Variants in RPS20 observed in about 807,000 individuals in gnomAD.
The protein encoded by RPS20 is ribosomal protein S20.
RPS20 carries 3 observed loss-of-function variants against 15.3 expected under a neutral mutation model. That is an observed-to-expected ratio of 0.20 (90% CI 0.09 to 0.51). The LOEUF (loss-of-function observed/expected upper bound fraction) is 0.51. Among genes scored for constraint, RPS20 ranks in the 20% least tolerant of loss-of-function variants. RPS20 has a pLI of 0.96. For synonymous variants in RPS20, 62 were observed against 47.8 expected (o/e 1.30, Z -1.23); for missense variants, 67 against 145.9 (o/e 0.46, Z 2.79).
intron 3 of RPS20, 138 bp downstream of exon 3, chr8:56,073,557 C>G: frequency 2.7e-6 from 2 of 747,732 alleles, no homozygotes; most frequent in Admixed American, 4.2e-5. Flanking sequence ...CTAGGAACCG[C>G]AATCTACCAC....
chr8:56,074,275 C>T (rs1421181188), intron 1 of RPS20, 106 bp downstream of exon 1: 14 of 1,523,778 alleles, frequency 9.2e-6, no homozygotes, highest in East Asian at 2.3e-5. Context: ...CGCCTTTCCG[C>T]CCCTACACGC....
downstream of RPS20, among the ~76,000 whole-genome samples, chr8:56,069,247 T>G (rs1464137327): frequency 6.7e-6 from 1 of 148,874 alleles, no homozygotes; most frequent in Non-Finnish European, 1.5e-5. Flanking sequence ...ACTTTTTCCT[T>G]TATTATTTTT....
chr8:56,071,363 G>C (rs975268588), downstream of RPS20, among the ~76,000 whole-genome samples: 6 of 152,264 alleles, frequency 3.9e-5, no homozygotes, highest in African/African-American at 1.4e-4. Flanking sequence ...CGTATTGATA[G>C]GTATTCCATT....
downstream of RPS20, among the ~76,000 whole-genome samples, chr8:56,072,285 C>T (rs559339056): frequency 1.3e-5 from 2 of 152,082 alleles, no homozygotes; most frequent in South Asian, 4.1e-4. Flanking sequence ...GGCATGGTGG[C>T]TCATGCCTGT....
downstream of RPS20, among the ~76,000 whole-genome samples, chr8:56,071,096 A>G (rs969080615): frequency 6.6e-6 from 1 of 152,242 alleles, no homozygotes; most frequent in Non-Finnish European, 1.5e-5. Flanking sequence ...CAGGTTCTCA[A>G]TTACGTATAG....
At chr8:56,071,091 TCTC>T (rs1291340350), downstream of RPS20, among the ~76,000 whole-genome samples, 1 of 152,232 alleles carries the variant, frequency 6.6e-6, no homozygotes, top group African/African-American at 2.4e-5. Flanking sequence ...TAATACAGGT[TCTC>T]AATTACGTAT....
downstream of RPS20, chr8:56,072,937 GA>G: frequency 7.2e-7 from 1 of 1,380,626 alleles, no homozygotes; most frequent in South Asian, 1.8e-5. Flanking sequence ...AAACGACAAC[GA>G]AAACAGGATA....
At chr8:56,073,025 C>T, downstream of RPS20, 4 of 1,561,390 alleles carry the variant, frequency 2.6e-6, no homozygotes, top group Non-Finnish European at 3.4e-6. Flanking sequence ...CTAAAATCTG[C>T]CAGTATTCTG....
chr8:56,067,963 T>G (rs1375676718), exon 6 of RPS20: 1 of 152,184 alleles, frequency 6.6e-6, no homozygotes, highest in Non-Finnish European at 1.5e-5. Context: ...ATGAGTATAA[T>G]TAATGCTACA....
At chr8:56,074,201 G>T (rs537295390) in intron 1 of RPS20, 42 bp from the exon 2 acceptor site, 3 of 1,568,260 alleles carry the variant, frequency 1.9e-6, no homozygotes, top group Non-Finnish European at 2.6e-6. Flanking sequence ...GCCAAAAATG[G>T]TCTGCCACTT....
At chr8:56,071,245 A>AC (rs1809746540), downstream of RPS20, among the ~76,000 whole-genome samples, 1 of 152,148 alleles carries the variant, frequency 6.6e-6, no homozygotes, top group Admixed American at 6.6e-5. Context: ...TCTGGACTTT[A>AC]GTGACATTTT....
At chr8:56,073,016 T>C, downstream of RPS20, 1 of 1,550,266 alleles carries the variant, frequency 6.5e-7, no homozygotes. Context: ...TTTATATTCC[T>C]AAAATCTGCC....
intron 3 of RPS20, 115 bp downstream of exon 3, chr8:56,073,580 G>A: frequency 1.2e-6 from 1 of 824,906 alleles, no homozygotes; most frequent in Non-Finnish European, 2.1e-6. Context: ...ATTTCTATGT[G>A]CGTTTGTAGA....
At position 56,074,115 on chromosome 8, in the gene RPS20, T is replaced by C. The variant is rs1585724421; in HGVS notation, c.48A>G (p.Ala16=). The part of the protein sequence containing the change: ...TGKTPVEPEV[A]IHRIRITLTS... The stretch of plus-strand genomic sequence containing the variant: ...TTAGGGTGATTCGAATTCGGTGAAT[T>C]GCCACCTCCGGCTCCACGGGTGTTT... Residue 16 remains alanine, a synonymous_variant, in exon 2 of 4, where the codon GCA becomes GCG. Transcript: ENST00000009589. The C allele has an allele frequency of 1.2e-6, 2 of 1,613,974 alleles. No individual in the cohort carries two copies. Among genetic ancestry groups the C allele is most frequent in the Non-Finnish European group, 1.7e-6 (2 of 1,180,004 alleles).
rs1809863115 is a variant in RPS20, at chr8:56,074,178, AAAAGAAC to A, written c.4-26_4-20del. On this transcript the variant is annotated intron_variant, in intron 1 of 3. Transcript: ENST00000009589. ...TAAAAGCCTATTATTAGATACATGA[AAAAGAAC>A]AATAAGCCAAAAATGGTCTGCCACT... The A allele has an allele frequency of 6.3e-7, 1 of 1,598,988 alleles. No homozygotes were observed.
At chr8:56,074,206 C>T in intron 1 of RPS20, 47 bp from the exon 2 acceptor site, 1 of 1,563,870 alleles carries the variant, frequency 6.4e-7, no homozygotes. Context: ...AAATGGTCTG[C>T]CACTTCTGGA....
chr8:56,073,411 C>T, intron 3 of RPS20, 139 bp from the exon 4 acceptor site: 2 of 692,836 alleles, frequency 2.9e-6, no homozygotes, highest in South Asian at 1.8e-5. Flanking sequence ...TTTTCAGGTA[C>T]CATGGGTTGA....
At chr8:56,071,385 T>C (rs187453413), downstream of RPS20, among the ~76,000 whole-genome samples, 42 of 152,362 alleles carry the variant, frequency 2.8e-4, 2 homozygotes, top group East Asian at 6.2e-3. Flanking sequence ...TAAAATGGTC[T>C]TATTAACTGA....
At position 56,074,120 on chromosome 8, in the gene RPS20, C is replaced by T. The variant is rs1438474501; in HGVS notation, c.43G>A (p.Val15Met). Residue 15 changes from valine (V) to methionine (M), a missense_variant, in exon 2 of 4, where the codon GTG (valine) becomes ATG (methionine). Coordinates refer to ENST00000009589, the MANE Select transcript of RPS20 (RefSeq NM_001023.4). Reference protein sequence around the residue: ...DTGKTPVEPEVAIHRIRITLT... With the variant: ...DTGKTPVEPEMAIHRIRITLT... ...GTGATTCGAATTCGGTGAATTGCCACCTCCGGCTCCACGGGTGTTTTTCCG... is the reference window on the plus strand; with the variant it reads ...GTGATTCGAATTCGGTGAATTGCCATCTCCGGCTCCACGGGTGTTTTTCCG... The T allele has an allele frequency of 1.9e-6, 3 of 1,613,808 alleles. No individual in the cohort carries two copies. The highest frequency in any genetic ancestry group is 4.5e-5 in the East Asian group (2 of 44,886).
Sources: gnomAD v4.1 joint callset for allele counts (sites outside exome capture counted in the v4.1 genomes callset) on GRCh38, gnomAD v4.1.1 for gene constraint, MANE v1.5 for transcripts, NCBI Gene and HGNC (gene_info 2026-07-23, HGNC 2026-07-21) for gene names.